MTHFD1L: variants seen among roughly 807,000 people sequenced by gnomAD.
The protein encoded by MTHFD1L is methylenetetrahydrofolate dehydrogenase (NADP+ dependent) 1 like, also known as monofunctional C1-tetrahydrofolate synthase, mitochondrial.
In MTHFD1L, 81 loss-of-function variants were observed where a neutral mutation model predicts 119.5. The ratio of observed to expected loss-of-function variants is 0.68; its 90% CI spans 0.57 to 0.82. MTHFD1L has a LOEUF of 0.82. Ranked by LOEUF, MTHFD1L falls within the 40% of genes least tolerant of loss-of-function variation. MTHFD1L has a pLI of 0.00. For synonymous variants in MTHFD1L, 430 were observed against 475.2 expected (o/e 0.90, Z 1.24); for missense variants, 1,125 against 1,253.4 (o/e 0.90, Z 1.55).
chr6:150,960,254 C>T, intron 17 of MTHFD1L, 21 bp from the exon 18 acceptor site: 1 of 1,603,064 alleles, frequency 6.2e-7, no homozygotes, highest in Non-Finnish European at 8.5e-7. Flanking sequence ...CTGACCACTA[C>T]CTGTGTTTGG....
intron 26 of MTHFD1L, among the ~76,000 whole-genome samples, chr6:151,074,274 AACC>A (rs1562630995): frequency 6.6e-6 from 1 of 152,228 alleles, no homozygotes; most frequent in African/African-American, 2.4e-5. Context: ...ACCAGTTGGA[AACC>A]TGAATCTACC....
chr6:151,092,652 AT>A (rs796193470), intron 27 of MTHFD1L, 65 bp downstream of exon 27: 1,231 of 865,186 alleles, frequency 1.4e-3, no homozygotes, highest in Admixed American at 1.8e-3. Flanking sequence ...TTTTTTTGTC[AT>A]TTTTTTTTTC....
At chr6:150,983,305 T>C (rs1290209588) in intron 20 of MTHFD1L, among the ~76,000 whole-genome samples, 2 of 152,342 alleles carry the variant, frequency 1.3e-5, no homozygotes, top group South Asian at 2.1e-4. Flanking sequence ...ATAAAGATAA[T>C]CATTTGTATT....
chr6:151,015,277 G>A (rs1216200658), intron 23 of MTHFD1L, among the ~76,000 whole-genome samples: 1 of 146,626 alleles, frequency 6.8e-6, no homozygotes, highest in Non-Finnish European at 1.5e-5. Flanking sequence ...TGATCAAAGG[G>A]ATATGTTATG....
intron 7 of MTHFD1L, among the ~76,000 whole-genome samples, chr6:150,894,615 C>T (rs970150604): frequency 2.0e-5 from 3 of 152,192 alleles, no homozygotes; most frequent in African/African-American, 4.8e-5. Context: ...TTGGAAGTCA[C>T]TCTACTTCCA....
At chr6:151,000,233 A>C (rs1268688768) in intron 20 of MTHFD1L, among the ~76,000 whole-genome samples, 2 of 151,340 alleles carry the variant, frequency 1.3e-5, no homozygotes, top group African/African-American at 4.9e-5. Flanking sequence ...GCTACTCGGG[A>C]GGCTGAGGCA....
chr6:151,055,962 C>G (rs1789856947), intron 26 of MTHFD1L: 1 of 152,124 alleles, frequency 6.6e-6, no homozygotes, highest in Admixed American at 6.5e-5. Context: ...TTCCACATAG[C>G]CTTTAAAAGT....
chr6:150,964,591 C>G (rs1796924783), intron 18 of MTHFD1L, among the ~76,000 whole-genome samples: 1 of 152,124 alleles, frequency 6.6e-6, no homozygotes, highest in African/African-American at 2.4e-5. Context: ...CTGTTCTTCA[C>G]CTTATTTCTT....
chr6:150,999,344 T>C (rs140175795), intron 20 of MTHFD1L, among the ~76,000 whole-genome samples: 95 of 152,342 alleles, frequency 6.2e-4, no homozygotes, highest in African/African-American at 2.2e-3. Context: ...CAGAATTCAT[T>C]TGTTTTGAGT....
chr6:151,059,052 C>T (rs1471634919), intron 26 of MTHFD1L, among the ~76,000 whole-genome samples: 1 of 152,060 alleles, frequency 6.6e-6, no homozygotes, highest in Non-Finnish European at 1.5e-5. Flanking sequence ...CAGGCTGGAG[C>T]AGTGGTAAGC....
intron 19 of MTHFD1L, 74 bp downstream of exon 19, chr6:150,965,111 T>C: frequency 7.4e-7 from 1 of 1,353,090 alleles, no homozygotes; most frequent in Non-Finnish European, 1.1e-6. Flanking sequence ...TTTTAGCCAA[T>C]ATGAGGCAGG....
chr6:150,897,612 T>C (rs1452026505), intron 7 of MTHFD1L, among the ~76,000 whole-genome samples: 3 of 152,310 alleles, frequency 2.0e-5, no homozygotes, highest in South Asian at 2.1e-4. Context: ...AAATAAATCT[T>C]TGTGGTCATC....
intron 7 of MTHFD1L, among the ~76,000 whole-genome samples, chr6:150,892,025 A>G (rs1783381780): frequency 6.6e-6 from 1 of 151,536 alleles, no homozygotes; most frequent in South Asian, 2.1e-4. Context: ...TTGGGTTAAG[A>G]CAGCTCAGGA....
chr6:151,058,830 C>A (rs1024971063), intron 26 of MTHFD1L, among the ~76,000 whole-genome samples: 1 of 152,298 alleles, frequency 6.6e-6, no homozygotes. Context: ...TGTGCCGCCA[C>A]GCCAGGCTAA....
At chr6:150,875,718 C>T (rs73011386) in intron 1 of MTHFD1L, among the ~76,000 whole-genome samples, 6,776 of 152,140 alleles carry the variant, frequency 0.045, 177 homozygotes, top group Non-Finnish European at 0.064. Context: ...TGGACCCATA[C>T]TCAGGGTTTT....
chr6:150,928,786 C>T (rs1016955513), intron 11 of MTHFD1L, among the ~76,000 whole-genome samples: 8 of 152,106 alleles, frequency 5.3e-5, no homozygotes, highest in South Asian at 2.1e-4. Flanking sequence ...TCAAGTGGTC[C>T]GCCCGCCTCC....
At chr6:150,922,380 C>G (rs1457809819) in intron 10 of MTHFD1L, 78 bp downstream of exon 10, 2 of 1,130,306 alleles carry the variant, frequency 1.8e-6, no homozygotes, top group Non-Finnish European at 2.6e-6. Flanking sequence ...GGGAGAAGCA[C>G]AACTCATGGT....
intron 17 of MTHFD1L, among the ~76,000 whole-genome samples, chr6:150,958,552 T>C (rs1051033590): frequency 9.9e-5 from 15 of 152,208 alleles, no homozygotes; most frequent in Admixed American, 2.6e-4. Flanking sequence ...ATATCCCATA[T>C]TGGCCTTTGT....
chr6:150,926,485 T>C lies in MTHFD1L; in HGVS notation c.1256+190T>C, dbSNP rs994530376. 2.0e-5 allele frequency among the ~76,000 whole-genome samples: 3 copies of C among 152,252 alleles called. No individual in the cohort carries two copies. Among genetic ancestry groups the C allele is most frequent in the Non-Finnish European group, 4.4e-5 (3 of 68,038 alleles). On this transcript the variant is annotated intron_variant, in intron 11 of 27. Transcript: ENST00000367321. The surrounding 1 kb of genome is among the most constrained non-coding windows in gnomAD (Gnocchi z 4.3). ...CAGTGCAGAGCAAACTAGTCGACTC[T>C]ACACAAGATAAAGTCAAACAAGTTG...
Sources: allele counts gnomAD v4.1 joint callset (sites outside exome capture counted in the v4.1 genomes callset), GRCh38; gene constraint gnomAD v4.1.1; non-coding constraint Gnocchi (gnomAD v3.1); transcripts MANE v1.5; gene names NCBI Gene and HGNC (gene_info 2026-07-23, HGNC 2026-07-21).